Variants in DCUN1D2 observed in about 807,000 individuals in gnomAD.
DCUN1D2 encodes the protein defective in cullin neddylation 1 domain containing 2.
A neutral mutation model predicts 30.9 loss-of-function variants in DCUN1D2; 29 were observed. The ratio of observed to expected loss-of-function variants is 0.94; its 90% CI spans 0.70 to 1.28. The LOEUF is 1.28. Ranked by LOEUF, DCUN1D2 falls within the 50% of genes most tolerant of loss-of-function variation. The pLI is 0.00. For missense variants in DCUN1D2, 325 were observed against 316.9 expected, an observed-to-expected ratio of 1.03 and a Z score of -0.19; for synonymous variants, 121 against 115.3, an observed-to-expected ratio of 1.05 and a Z score of -0.32.
chr13:113,476,952 CA>C (rs1235696098), intron 3 of DCUN1D2, among the ~76,000 whole-genome samples: 1 of 152,194 alleles, frequency 6.6e-6, no homozygotes, highest in African/African-American at 2.4e-5. Context: ...GAAGTCCCCC[CA>C]TACACGGACT....
intron 6 of DCUN1D2, 97 bp from the exon 7 acceptor site, chr13:113,458,205 C>T: frequency 9.7e-7 from 1 of 1,035,690 alleles, no homozygotes; most frequent in South Asian, 1.3e-5. Flanking sequence ...ACTTCAAGAA[C>T]CCAAATGACT....
intron 4 of DCUN1D2, among the ~76,000 whole-genome samples, chr13:113,467,286 C>A (rs943051203): frequency 1.3e-5 from 2 of 152,142 alleles, no homozygotes; most frequent in African/African-American, 4.8e-5. Context: ...GTGACAGCCT[C>A]TGAGAAACAT....
chr13:113,488,707 T>C lies in DCUN1D2; in HGVS notation c.3+1960A>G, dbSNP rs1213514792. On this transcript the variant is annotated intron_variant, in intron 1 of 6. Transcript: ENST00000478244. This position sits in a 1 kb window ranked among gnomAD's most constrained non-coding sequence, Gnocchi z 4.3. ...CCAGACGTTGGCAAGAAGCTTCGAG[T>C]GCACCCAGACAGGACTGAACCCAGG... Among the ~76,000 whole-genome samples the C allele has an allele frequency of 2.0e-5, 3 of 152,080 alleles. No individual in the cohort carries two copies. Among genetic ancestry groups the C allele is most frequent in the African/African-American group, 7.2e-5 (3 of 41,408 alleles).
intron 4 of DCUN1D2, among the ~76,000 whole-genome samples, chr13:113,461,717 C>A (rs956365742): frequency 6.6e-6 from 1 of 152,216 alleles, no homozygotes; most frequent in Admixed American, 6.5e-5. Context: ...CAGGACACTG[C>A]GTATCAATCA....
chr13:113,490,571 G>A lies in DCUN1D2; in HGVS notation c.3+96C>T. The stretch of plus-strand genomic sequence containing the variant: ...CGGAACGCCCCGCGCAGCTCGCTGG[G>A]CTCGGCCTCCCACATCCAGCGCGCC... On this transcript the variant is annotated intron_variant, in intron 1 of 6. Coordinates refer to ENST00000478244, the MANE Select transcript of DCUN1D2 (RefSeq NM_001014283.2). This position sits in a 1 kb window ranked among gnomAD's most constrained non-coding sequence, Gnocchi z 5.2. 1 of 1,129,730 alleles carries A rather than the reference G, an allele frequency of 8.9e-7. No individual in the cohort carries two copies. Among genetic ancestry groups the A allele is most frequent in the South Asian group, 3.4e-5 (1 of 28,992 alleles). 70.0% of individuals were successfully genotyped at this position (1,129,730 alleles called of 1,614,324 possible).
chr13:113,471,894 C>T (rs1446829452), intron 4 of DCUN1D2, among the ~76,000 whole-genome samples: 1 of 152,142 alleles, frequency 6.6e-6, no homozygotes, highest in Non-Finnish European at 1.5e-5. Context: ...CAACAGAAGC[C>T]CTGGTGATGA....
intron 4 of DCUN1D2, among the ~76,000 whole-genome samples, chr13:113,464,754 A>C (rs2044373938): frequency 6.6e-6 from 1 of 152,374 alleles, no homozygotes; most frequent in East Asian, 1.9e-4. Flanking sequence ...CACTCAGCAG[A>C]ATCTGCCCAA....
chr13:113,471,196 C>A (rs150449211), intron 4 of DCUN1D2, among the ~76,000 whole-genome samples: 3,469 of 149,046 alleles, frequency 0.023, 129 homozygotes, highest in African/African-American at 0.082. Context: ...CACAGGGGAC[C>A]CAACTCCACA....
Position 113,490,683 on chromosome 13 carries a change from C to T in DCUN1D2, c.-14G>A. 8.1e-7 allele frequency: 1 copy of T among 1,241,844 alleles called. No individual in the cohort carries two copies. Among genetic ancestry groups the T allele is most frequent in the South Asian group, 2.7e-5 (1 of 36,540 alleles). The allele number at this position is 1,241,844 out of a possible 1,614,324, so 76.9% of individuals were successfully genotyped here. On this transcript the variant is annotated 5_prime_UTR_variant, in exon 1 of 7. Transcript: ENST00000478244. This position sits in a 1 kb window ranked among gnomAD's most constrained non-coding sequence, Gnocchi z 5.2. ...GCCACCTACCATCTCCCCCGCGCCG[C>T]CCGCTTCTGGCCGGCCCCGGCCTTC...
At chr13:113,466,243 C>T (rs1401023925) in intron 4 of DCUN1D2, among the ~76,000 whole-genome samples, 1 of 152,172 alleles carries the variant, frequency 6.6e-6, no homozygotes, top group Non-Finnish European at 1.5e-5. Flanking sequence ...ACTGAGTAAT[C>T]AGGGTCTAAA....
chr13:113,477,913 A>T (rs1308141405), intron 3 of DCUN1D2, among the ~76,000 whole-genome samples: 1 of 152,044 alleles, frequency 6.6e-6, no homozygotes, highest in Non-Finnish European at 1.5e-5. Flanking sequence ...TTTGCTAATG[A>T]CTGGTCAGTT....
Position 113,490,539 on chromosome 13 carries a change from A to C in DCUN1D2, c.3+128T>G. On this transcript the variant is annotated intron_variant, in intron 1 of 6. Coordinates refer to ENST00000478244, the MANE Select transcript of DCUN1D2 (RefSeq NM_001014283.2). This position sits in a 1 kb window ranked among gnomAD's most constrained non-coding sequence, Gnocchi z 5.2. The stretch of plus-strand genomic sequence containing the variant: ...GGCCCGCGGCGCGTTCCTCCCTCGG[A>C]TCCACGCGGAACGCCCCGCGCAGCT... The C allele has an allele frequency of 1.0e-6, 1 of 981,394 alleles. No homozygotes were observed. Among genetic ancestry groups the C allele is most frequent in the Non-Finnish European group, 1.3e-6 (1 of 758,840 alleles). 60.8% of individuals were successfully genotyped at this position (981,394 alleles called of 1,614,324 possible).
At chr13:113,458,852 G>A (rs1168848877) in intron 6 of DCUN1D2, among the ~76,000 whole-genome samples, 4 of 152,204 alleles carry the variant, frequency 2.6e-5, no homozygotes, top group African/African-American at 4.8e-5. Context: ...TAAGGTGGCA[G>A]CGTGCCCAGC....
At position 113,490,449 on chromosome 13, in the gene DCUN1D2, C is replaced by A; in HGVS notation, c.3+218G>T. On this transcript the variant is annotated intron_variant, in intron 1 of 6. Transcript: ENST00000478244. This position sits in a 1 kb window ranked among gnomAD's most constrained non-coding sequence, Gnocchi z 5.2. Reference sequence around the variant, plus strand: ...TCCGCTCACTCCCGGTCGTCCCTCGCGGCTCCGGGTCAAACCCGCGCTCCC... The same window carrying A: ...TCCGCTCACTCCCGGTCGTCCCTCGAGGCTCCGGGTCAAACCCGCGCTCCC... 3 of 414,714 alleles carry A rather than the reference C, an allele frequency of 7.2e-6. No individual in the cohort carries two copies. The highest frequency in any genetic ancestry group is 7.5e-4 in the Middle Eastern group (1 of 1,336). 25.7% of individuals were successfully genotyped at this position (414,714 alleles called of 1,614,324 possible).
chr13:113,484,800 ACTTAT>A (rs2044772583), intron 1 of DCUN1D2, among the ~76,000 whole-genome samples: 1 of 152,164 alleles, frequency 6.6e-6, no homozygotes, highest in African/African-American at 2.4e-5. Flanking sequence ...CTGAGTTTCC[ACTTAT>A]CTAAAGTAAC....
chr13:113,474,193 T>C lies in DCUN1D2; in HGVS notation c.451A>G (p.Thr151Ala), dbSNP rs761384433. ...LPRLEQELKD[T>A]AKFKDFYQFT... ...TGATAAAAATCTTTAAACTTGGCTG[T>C]GTCCTTCAGCTCCTGCTCCAGTCTT... is the stretch of plus-strand genomic sequence containing the variant. The change falls in exon 4 of 7, where the codon ACA becomes GCA. Residue 151 changes from threonine (T) to alanine (A), a missense_variant. Transcript: ENST00000478244. 4 of 1,614,192 alleles carry C rather than the reference T, an allele frequency of 2.5e-6. No individual in the cohort carries two copies. The highest frequency in any genetic ancestry group is 1.1e-5 in the South Asian group (1 of 91,080).
At chr13:113,483,276 T>TA (rs1445010553) in intron 2 of DCUN1D2, among the ~76,000 whole-genome samples, 1 of 152,106 alleles carries the variant, frequency 6.6e-6, no homozygotes, top group Non-Finnish European at 1.5e-5. Flanking sequence ...CTGATGTCAA[T>TA]AAAAATCACA....
At chr13:113,474,865 G>A (rs2044586789) in intron 3 of DCUN1D2, among the ~76,000 whole-genome samples, 1 of 152,152 alleles carries the variant, frequency 6.6e-6, no homozygotes, top group African/African-American at 2.4e-5. Flanking sequence ...ACCTTATTTA[G>A]GGATCTCTTC....
Position 113,488,143 on chromosome 13 carries a change from G to A in DCUN1D2, c.3+2524C>T, listed in dbSNP as rs896636895. Among the ~76,000 whole-genome samples, 1 of 152,182 alleles carries A rather than the reference G, an allele frequency of 6.6e-6. No individual in the cohort carries two copies. The highest frequency in any genetic ancestry group is 2.4e-5 in the African/African-American group (1 of 41,446). ...ACATGGATCCAGGCCACTCAAAATG[G>A]CTTTGAATCACTACTGTTAGCTAGA... is the stretch of plus-strand genomic sequence containing the variant. On this transcript the variant is annotated intron_variant, in intron 1 of 6. Coordinates refer to ENST00000478244, the MANE Select transcript of DCUN1D2 (RefSeq NM_001014283.2). The surrounding 1 kb of genome is among the most constrained non-coding windows in gnomAD (Gnocchi z 4.3).
Sources: allele counts gnomAD v4.1 joint callset (sites outside exome capture counted in the v4.1 genomes callset), GRCh38; gene constraint gnomAD v4.1.1; non-coding constraint Gnocchi (gnomAD v3.1); transcripts MANE v1.5; gene names NCBI Gene and HGNC (gene_info 2026-07-23, HGNC 2026-07-21).